ARFIP1: variants seen among roughly 807,000 people sequenced by gnomAD.
ARFIP1 encodes ARF interacting protein 1, also known as arfaptin-1.
In ARFIP1, 24 loss-of-function variants were observed where a neutral mutation model predicts 42.5. That is an observed-to-expected ratio of 0.57 (90% CI 0.41 to 0.80). The LOEUF (loss-of-function observed/expected upper bound fraction) is 0.80. Among genes scored for constraint, ARFIP1 ranks in the 30% least tolerant of loss-of-function variants. The pLI, the probability that ARFIP1 is intolerant of heterozygous loss-of-function variation, is 0.00. For synonymous variants in ARFIP1, 141 were observed against 153.7 expected (o/e 0.92, Z 0.61); for missense variants, 354 against 434.0 (o/e 0.82, Z 1.64).
In ARFIP1 at chr4:152,796,279, C is replaced by T. The variant is rs184908363; in HGVS notation, c.-10+16053C>T. 8.8e-4 allele frequency: 894 copies of T among 1,016,048 alleles called. 10 individuals are homozygous for T. In the African/African-American group the frequency reaches 0.013, roughly 14 times the overall value. 62.9% of individuals were successfully genotyped at this position (1,016,048 alleles called of 1,614,324 possible). ...GTATTGGTAGGCAAAAGGTGGCTTT[C>T]AGTTCAGGTTGTGTTACATGGACTT... On this transcript the variant is annotated intron_variant, in intron 1 of 8. Coordinates refer to ENST00000353617, the MANE Select transcript of ARFIP1 (RefSeq NM_001025595.3).
chr4:152,799,548 C>A (rs560816660), intron 1 of ARFIP1, among the ~76,000 whole-genome samples: 88 of 152,300 alleles, frequency 5.8e-4, no homozygotes, highest in African/African-American at 2.1e-3. Flanking sequence ...AAGACAAATT[C>A]TTTGCACAAT....
At chr4:152,791,953 G>A (rs529006436) in intron 1 of ARFIP1, among the ~76,000 whole-genome samples, 170 of 152,104 alleles carry the variant, frequency 1.1e-3, no homozygotes, top group Middle Eastern at 0.01. Flanking sequence ...TATTCTAATG[G>A]TAAAGAAAAA....
chr4:152,805,788 A>T (rs1472153176), intron 1 of ARFIP1, among the ~76,000 whole-genome samples: 1 of 152,250 alleles, frequency 6.6e-6, no homozygotes, highest in African/African-American at 2.4e-5. Flanking sequence ...CATCTTACAG[A>T]TGAAGGAAGA....
chr4:152,867,281 G>A (rs1734483424), intron 3 of ARFIP1, among the ~76,000 whole-genome samples: 1 of 152,212 alleles, frequency 6.6e-6, no homozygotes, highest in South Asian at 2.1e-4. Flanking sequence ...ATCACTCGCG[G>A]TTAGGAGCTG....
At chr4:152,828,899 C>T (rs1297487308) in intron 1 of ARFIP1, among the ~76,000 whole-genome samples, 2 of 152,128 alleles carry the variant, frequency 1.3e-5, no homozygotes, top group Admixed American at 6.5e-5. Flanking sequence ...TTTTTATGAA[C>T]AGTGTAAGAT....
At chr4:152,804,189 TATAATATAAC>T (rs1728717737) in intron 1 of ARFIP1, among the ~76,000 whole-genome samples, 1 of 116,168 alleles carries the variant, frequency 8.6e-6, no homozygotes, top group African/African-American at 3.5e-5. Context: ...ATATATTATA[TATAATATAAC>T]ATGTATTATA....
intron 1 of ARFIP1, among the ~76,000 whole-genome samples, chr4:152,785,301 A>T (rs548619167): frequency 6.6e-6 from 1 of 152,360 alleles, no homozygotes; most frequent in South Asian, 2.1e-4. Context: ...CTCCAGCCAT[A>T]CCAAATAGGT....
intron 3 of ARFIP1, among the ~76,000 whole-genome samples, chr4:152,864,270 T>A (rs1489990745): frequency 2.0e-5 from 3 of 152,204 alleles, no homozygotes; most frequent in Non-Finnish European, 2.9e-5. Context: ...TGCCTCAGTT[T>A]CTGACTCTTC....
At chr4:152,862,298 A>G (rs1733957632) in intron 2 of ARFIP1, among the ~76,000 whole-genome samples, 1 of 152,254 alleles carries the variant, frequency 6.6e-6, no homozygotes, top group Non-Finnish European at 1.5e-5. Flanking sequence ...CTTAGAATCC[A>G]TCTCTTCCAT....
chr4:152,886,458 T>G (rs1241150906), intron 7 of ARFIP1, among the ~76,000 whole-genome samples: 1 of 152,026 alleles, frequency 6.6e-6, no homozygotes, highest in East Asian at 1.9e-4. Flanking sequence ...AAATGTGTCA[T>G]TGTATCTTAC....
At chr4:152,835,393 G>C (rs960448992) in intron 2 of ARFIP1, among the ~76,000 whole-genome samples, 4 of 152,192 alleles carry the variant, frequency 2.6e-5, no homozygotes, top group Non-Finnish European at 5.9e-5. Flanking sequence ...AACTTCCACA[G>C]ATCCCTAGGA....
chr4:152,829,597 C>T (rs768061896), intron 1 of ARFIP1, 28 bp from the exon 2 acceptor site: 137 of 1,488,786 alleles, frequency 9.2e-5, no homozygotes, highest in Admixed American at 3.1e-4. Context: ...GTATTAGTTA[C>T]GGCGCTTTTT....
intron 1 of ARFIP1, among the ~76,000 whole-genome samples, chr4:152,805,355 G>T (rs1445257338): frequency 6.6e-6 from 1 of 152,200 alleles, no homozygotes; most frequent in Non-Finnish European, 1.5e-5. Flanking sequence ...TGGAGCATTG[G>T]AAAACCAGAA....
In ARFIP1 at chr4:152,783,834, G is replaced by GGT. The variant is rs748960689; in HGVS notation, c.-10+3627_-10+3628dup. On this transcript the variant is annotated intron_variant, in intron 1 of 8. Transcript: ENST00000353617. Reference sequence around the variant, plus strand: ...CCTATGGGGATGGATATAAGTCTCTGGTGTGTGTGTGTGTGTGTGTTAGAA... The same window carrying GGT: ...CCTATGGGGATGGATATAAGTCTCTGGTGTGTGTGTGTGTGTGTGTGTTAGAA... Among the ~76,000 whole-genome samples, 1,317 of 149,926 alleles carry GGT rather than the reference G, an allele frequency of 8.8e-3. 7 individuals are homozygous for GGT. Among genetic ancestry groups the GGT allele is most frequent in the African/African-American group, 0.012 (480 of 41,024 alleles).
At chr4:152,893,434 T>C (rs1022794839) in intron 8 of ARFIP1, among the ~76,000 whole-genome samples, 3 of 152,122 alleles carry the variant, frequency 2.0e-5, no homozygotes, top group African/African-American at 7.2e-5. Context: ...TAGCTTTTTA[T>C]GTGGCTTGGA....
At chr4:152,910,042 T>G in intron 8 of ARFIP1, 22 bp from the exon 9 acceptor site, 1 of 1,610,652 alleles carries the variant, frequency 6.2e-7, no homozygotes, top group Non-Finnish European at 8.5e-7. Flanking sequence ...TGCTTGGTCT[T>G]GTAACTCTGC....
At chr4:152,818,450 C>G (rs1008103358) in intron 1 of ARFIP1, among the ~76,000 whole-genome samples, 1 of 152,144 alleles carries the variant, frequency 6.6e-6, no homozygotes, top group African/African-American at 2.4e-5. Flanking sequence ...GCATGCACGC[C>G]CAGACTCCAG....
chr4:152,806,865 G>T (rs1283614687), intron 1 of ARFIP1, among the ~76,000 whole-genome samples: 2 of 148,186 alleles, frequency 1.3e-5, no homozygotes, highest in African/African-American at 2.5e-5. Context: ...TTAGAGACAG[G>T]TCTCACTCTG....
chr4:152,848,575 G>A (rs565528453), intron 2 of ARFIP1, among the ~76,000 whole-genome samples: 184 of 152,164 alleles, frequency 1.2e-3, no homozygotes, highest in African/African-American at 3.8e-3. Flanking sequence ...CATACACTAC[G>A]ATCTGCAGAA....
Sources: gnomAD v4.1 joint callset for allele counts (sites outside exome capture counted in the v4.1 genomes callset) on GRCh38, gnomAD v4.1.1 for gene constraint, MANE v1.5 for transcripts, NCBI Gene and HGNC (gene_info 2026-07-23, HGNC 2026-07-21) for gene names.